NBAS: variants seen among roughly 807,000 people sequenced by gnomAD.
NBAS encodes NAG/BC035112 fusion.
NBAS carries 219 observed loss-of-function variants against 302.5 expected under a neutral mutation model. The observed-to-expected ratio is 0.72, with a 90% CI of 0.65 to 0.81. The LOEUF is 0.81. Among genes scored for constraint, NBAS ranks in the 30% least tolerant of loss-of-function variants. The probability of loss-of-function intolerance (pLI) is 0.00; values close to 1 mark genes in which losing one functional copy is unlikely to be tolerated. For synonymous variants in NBAS, 1,118 were observed against 1,021.6 expected (o/e 1.09, Z -1.80); for missense variants, 2,932 against 2,841.6 (o/e 1.03, Z -0.72).
chr2:15,420,959 T>C (rs1677182889), intron 23 of NBAS, among the ~76,000 whole-genome samples: 2 of 152,046 alleles, frequency 1.3e-5, no homozygotes, highest in Admixed American at 6.6e-5. Flanking sequence ...CATTTTCAGT[T>C]GGAAAGAGTG....
At chr2:15,265,050 T>C (rs1669017498) in intron 44 of NBAS, among the ~76,000 whole-genome samples, 1 of 152,208 alleles carries the variant, frequency 6.6e-6, no homozygotes, top group Non-Finnish European at 1.5e-5. Flanking sequence ...ACTTCTTTAC[T>C]TGTCTTTTGA....
chr2:14,966,113 T>G, the NBAS span, among the ~76,000 whole-genome samples: 1 of 152,052 alleles, frequency 6.6e-6, no homozygotes, highest in African/African-American at 2.4e-5. Flanking sequence ...CCACAGCAGC[T>G]AGGAAGAGAC....
At chr2:15,430,677 T>C (rs1677717919) in intron 21 of NBAS, among the ~76,000 whole-genome samples, 1 of 152,230 alleles carries the variant, frequency 6.6e-6, no homozygotes, top group South Asian at 2.1e-4. Context: ...CTTACACTTT[T>C]AGCTAGCATA....
At chr2:15,381,946 T>C (rs534267820) in intron 29 of NBAS, among the ~76,000 whole-genome samples, 9 of 152,300 alleles carry the variant, frequency 5.9e-5, no homozygotes, top group Admixed American at 6.5e-5. Flanking sequence ...ATTTCATCAA[T>C]GGGTTATGCT....
chr2:15,328,422 T>A, intron 36 of NBAS, 110 bp from the exon 37 acceptor site: 1 of 918,768 alleles, frequency 1.1e-6, no homozygotes, highest in Non-Finnish European at 1.7e-6. Context: ...AAAGGCTGAT[T>A]TCAAAAGAAA....
chr2:15,002,877 C>G, the NBAS span, among the ~76,000 whole-genome samples: 3 of 152,342 alleles, frequency 2.0e-5, no homozygotes, highest in African/African-American at 7.2e-5. Flanking sequence ...AGCTGGCCCA[C>G]AAGCGCCACG....
chr2:15,524,549 T>C (rs2148665784), intron 9 of NBAS, among the ~76,000 whole-genome samples: 1 of 152,346 alleles, frequency 6.6e-6, no homozygotes, highest in East Asian at 1.9e-4. Flanking sequence ...CTGCTACTTC[T>C]ACACCTATGT....
At chr2:15,399,847 T>G (rs1302504943) in intron 26 of NBAS, among the ~76,000 whole-genome samples, 3 of 152,148 alleles carry the variant, frequency 2.0e-5, no homozygotes, top group Non-Finnish European at 4.4e-5. Context: ...AGAATGCCAT[T>G]GAACTTCTCA....
At chr2:14,790,747 G>A in the NBAS span, among the ~76,000 whole-genome samples, 2 of 151,688 alleles carry the variant, frequency 1.3e-5, no homozygotes, top group Non-Finnish European at 2.9e-5. Flanking sequence ...TGCCTCCTGG[G>A]TTCAAGCAAT....
At chr2:15,037,535 T>C in the NBAS span, among the ~76,000 whole-genome samples, 1 of 152,164 alleles carries the variant, frequency 6.6e-6, no homozygotes, top group Non-Finnish European at 1.5e-5. Context: ...CTTTTACACT[T>C]CCAAGGACCC....
At chr2:14,917,442 G>C in the NBAS span, among the ~76,000 whole-genome samples, 1 of 152,190 alleles carries the variant, frequency 6.6e-6, no homozygotes, top group Non-Finnish European at 1.5e-5. Context: ...AAGCAAGATG[G>C]AAGTCACATA....
At chr2:15,030,593 G>A in the NBAS span, among the ~76,000 whole-genome samples, 3 of 152,182 alleles carry the variant, frequency 2.0e-5, no homozygotes, top group African/African-American at 7.2e-5. Flanking sequence ...CAGGGAAGGG[G>A]AGAGTGGCAG....
intron 7 of NBAS, among the ~76,000 whole-genome samples, 194 bp from the exon 8 acceptor site, chr2:15,536,745 C>A (rs1308728045): frequency 6.6e-6 from 1 of 152,138 alleles, no homozygotes; most frequent in South Asian, 2.1e-4. Flanking sequence ...TAGACCAGCC[C>A]TCTCAGACCC....
Position 15,516,715 on chromosome 2 carries a change from T to A in NBAS, c.747-5365A>T, listed in dbSNP as rs1662406533. 4.2e-5 allele frequency among the ~76,000 whole-genome samples: 6 copies of A among 141,674 alleles called. No individual in the cohort carries two copies. The Admixed American group carries it at 4.4e-4, about 10-fold the overall frequency. 92.9% of individuals were successfully genotyped at this position (141,674 alleles called of 152,430 possible). A position where few individuals can be genotyped will look rare whatever the true frequency, so the allele number is the denominator to read the frequency against. On this transcript the variant is annotated intron_variant, in intron 9 of 51. Transcript: ENST00000281513. ...TCCAGCTTGGGCTACAGAGTGAGAC[T>A]CCATTTCAAAAAAAAAAAAAAAAAA...
intron 21 of NBAS, among the ~76,000 whole-genome samples, chr2:15,428,813 G>T (rs533378510): frequency 3.8e-4 from 58 of 152,252 alleles, no homozygotes; most frequent in Non-Finnish European, 7.5e-4. Context: ...GGAGGCTGAG[G>T]TGGGCAGATC....
intron 44 of NBAS, among the ~76,000 whole-genome samples, chr2:15,266,162 T>C (rs1347502011): frequency 6.6e-6 from 1 of 152,168 alleles, no homozygotes; most frequent in Non-Finnish European, 1.5e-5. Flanking sequence ...TGTGAAAAGG[T>C]GCCTTCCTCC....
intron 40 of NBAS, among the ~76,000 whole-genome samples, chr2:15,297,264 T>C (rs1346861909): frequency 6.6e-6 from 1 of 152,206 alleles, no homozygotes; most frequent in Non-Finnish European, 1.5e-5. Context: ...CATCCTTTTA[T>C]ATTCGGTATG....
intron 38 of NBAS, among the ~76,000 whole-genome samples, chr2:15,315,258 A>C (rs1439252515): frequency 6.6e-6 from 1 of 152,198 alleles, no homozygotes; most frequent in Non-Finnish European, 1.5e-5. Flanking sequence ...ATCAGAAAAG[A>C]AGTTGGGTTT....
chr2:14,811,360 T>C, the NBAS span, among the ~76,000 whole-genome samples: 4 of 152,144 alleles, frequency 2.6e-5, no homozygotes, highest in Non-Finnish European at 5.9e-5. Context: ...CAGTAAGCTA[T>C]GATCATGTCA....
Sources: allele counts gnomAD v4.1 joint callset (sites outside exome capture counted in the v4.1 genomes callset), GRCh38; gene constraint gnomAD v4.1.1; transcripts MANE v1.5; gene names NCBI Gene and HGNC (gene_info 2026-07-23, HGNC 2026-07-21).